Variants in PPM1H observed in about 807,000 individuals in gnomAD.
PPM1H encodes protein phosphatase 1H.
PPM1H carries 27 observed loss-of-function variants against 54.9 expected under a neutral mutation model. The ratio of observed to expected loss-of-function variants is 0.49; its 90% CI spans 0.36 to 0.68. The LOEUF (loss-of-function observed/expected upper bound fraction) is 0.68. Ranked by LOEUF, PPM1H falls within the 30% of genes least tolerant of loss-of-function variation. The pLI, the probability that PPM1H is intolerant of heterozygous loss-of-function variation, is 0.00. For missense variants in PPM1H, 596 were observed against 667.8 expected (o/e 0.89, Z 1.19); for synonymous variants, 305 against 270.8 (o/e 1.13, Z -1.24).
chr12:62,780,068 T>C (rs2076632500), intron 4 of PPM1H, among the ~76,000 whole-genome samples: 1 of 152,210 alleles, frequency 6.6e-6, no homozygotes, highest in African/African-American at 2.4e-5. Flanking sequence ...AGGTTATTTA[T>C]GTAAAATTCA....
At chr12:62,671,709 T>C (rs913427034) in intron 8 of PPM1H, among the ~76,000 whole-genome samples, 1 of 152,144 alleles carries the variant, frequency 6.6e-6, no homozygotes, top group African/African-American at 2.4e-5. Flanking sequence ...GCGAGTCAAT[T>C]TCCCATGGGT....
chr12:62,870,012 C>A (rs1005134482), intron 1 of PPM1H, among the ~76,000 whole-genome samples: 13 of 152,106 alleles, frequency 8.5e-5, no homozygotes, highest in African/African-American at 2.9e-4. Flanking sequence ...CAGGGCCTGG[C>A]ATATTGCAGA....
At chr12:62,755,057 G>A (rs1026700784) in intron 4 of PPM1H, among the ~76,000 whole-genome samples, 1 of 152,212 alleles carries the variant, frequency 6.6e-6, no homozygotes, top group Non-Finnish European at 1.5e-5. Flanking sequence ...CGACCTGGAT[G>A]ATGAGAGGCT....
chr12:62,691,781 C>G (rs1440218465), intron 7 of PPM1H, among the ~76,000 whole-genome samples: 3 of 150,476 alleles, frequency 2.0e-5, no homozygotes, highest in Admixed American at 2.0e-4. Flanking sequence ...CGAGATTGTG[C>G]CACCGTACTC....
intron 8 of PPM1H, among the ~76,000 whole-genome samples, chr12:62,675,345 C>T (rs889251665): frequency 7.2e-5 from 11 of 152,316 alleles, no homozygotes; most frequent in African/African-American, 2.2e-4. Flanking sequence ...AGGCCTGGCA[C>T]GTTACAATTC....
At chr12:62,849,376 T>TTATC (rs1869095751) in intron 1 of PPM1H, among the ~76,000 whole-genome samples, 1 of 152,226 alleles carries the variant, frequency 6.6e-6, no homozygotes. Context: ...AGGGAAGGTA[T>TTATC]TATCTGTCCC....
intron 3 of PPM1H, among the ~76,000 whole-genome samples, chr12:62,791,447 A>T (rs1228883349): frequency 6.6e-6 from 1 of 152,188 alleles, no homozygotes; most frequent in Non-Finnish European, 1.5e-5. Flanking sequence ...TTTGCATTTA[A>T]AGAACGCATA....
intron 6 of PPM1H, among the ~76,000 whole-genome samples, chr12:62,712,440 G>A (rs1189180950): frequency 6.6e-6 from 1 of 152,192 alleles, no homozygotes; most frequent in East Asian, 1.9e-4. Flanking sequence ...AAATTAAAAT[G>A]TGATATTTCT....
rs2075794869 is a variant in PPM1H at position 62,647,907 on chromosome 12, CG to C, written c.*581del. ...ACAGATTCAAGGAATGTCAAAAACA[CG>C]AAAAAAAAAAAAAAAAATCCCTGCC... On this transcript the variant is annotated 3_prime_UTR_variant, in exon 10 of 10. Coordinates refer to ENST00000228705, the MANE Select transcript of PPM1H (RefSeq NM_020700.2). 1 of 36,640 alleles carries C rather than the reference CG, an allele frequency of 2.7e-5. No individual in the cohort carries two copies. Among genetic ancestry groups the C allele is most frequent in the East Asian group, 5.4e-4 (1 of 1,852 alleles). 2.3% of individuals were successfully genotyped at this position (36,640 alleles called of 1,614,324 possible).
intron 1 of PPM1H, among the ~76,000 whole-genome samples, chr12:62,913,473 C>A (rs1183535080): frequency 6.6e-6 from 1 of 152,140 alleles, no homozygotes; most frequent in Non-Finnish European, 1.5e-5. Flanking sequence ...CCTACTCTGC[C>A]CTTCCATGCA....
chr12:62,887,936 T>A (rs1328060953), intron 1 of PPM1H, among the ~76,000 whole-genome samples: 4 of 152,094 alleles, frequency 2.6e-5, no homozygotes, highest in Non-Finnish European at 5.9e-5. Context: ...TGGAGCTGGG[T>A]GGCAATGCTC....
intron 6 of PPM1H, among the ~76,000 whole-genome samples, chr12:62,695,804 CA>C (rs1331442627): frequency 6.6e-6 from 1 of 152,080 alleles, no homozygotes; most frequent in African/African-American, 2.4e-5. Context: ...CTTAAGACAA[CA>C]GACTACATGG....
At chr12:62,860,835 A>C (rs764881254) in intron 1 of PPM1H, among the ~76,000 whole-genome samples, 47 of 152,198 alleles carry the variant, frequency 3.1e-4, no homozygotes, top group Non-Finnish European at 6.2e-4. Context: ...CTCGCCACAG[A>C]AACAATGGGG....
At chr12:62,764,554 T>C (rs1197293594) in intron 4 of PPM1H, among the ~76,000 whole-genome samples, 1 of 152,204 alleles carries the variant, frequency 6.6e-6, no homozygotes, top group Non-Finnish European at 1.5e-5. Context: ...ACCACACTTT[T>C]ACCAATCAAA....
chr12:62,653,487 C>A (rs1299791131), intron 9 of PPM1H, among the ~76,000 whole-genome samples: 1 of 152,132 alleles, frequency 6.6e-6, no homozygotes, highest in African/African-American at 2.4e-5. Flanking sequence ...TCCAAAGAAC[C>A]AAATTGACCT....
At chr12:62,756,310 C>T (rs2076474339) in intron 4 of PPM1H, 1 of 561,286 alleles carries the variant, frequency 1.8e-6, no homozygotes, top group East Asian at 4.0e-5. Flanking sequence ...CCCTGCCATA[C>T]TCAGTCCCCC....
chr12:62,669,969 C>CTTTTTTTTTTTTTTTTTTT (rs1161094944), intron 8 of PPM1H, among the ~76,000 whole-genome samples: 2 of 46,426 alleles, frequency 4.3e-5, no homozygotes, highest in African/African-American at 2.3e-4. Flanking sequence ...GGATTGATTC[C>CTTTTTTTTTTTTTTTTTTT]TTTTTTTTTT....
intron 4 of PPM1H, among the ~76,000 whole-genome samples, chr12:62,760,958 T>C (rs2076505228): frequency 6.6e-6 from 1 of 152,238 alleles, no homozygotes; most frequent in Non-Finnish European, 1.5e-5. Context: ...CTAACTTAGA[T>C]GTTGTTTACT....
intron 1 of PPM1H, among the ~76,000 whole-genome samples, chr12:62,903,448 A>G (rs1243269394): frequency 6.6e-6 from 1 of 152,188 alleles, no homozygotes; most frequent in Non-Finnish European, 1.5e-5. Flanking sequence ...CCATATTTTA[A>G]TGCTTTTGTG....
Sources: allele counts gnomAD v4.1 joint callset (sites outside exome capture counted in the v4.1 genomes callset), GRCh38; gene constraint gnomAD v4.1.1; transcripts MANE v1.5; gene names NCBI Gene and HGNC (gene_info 2026-07-23, HGNC 2026-07-21).